The following MAPRE1 variants were observed in gnomAD, a reference collection of about 807,000 sequenced individuals.
MAPRE1 encodes microtubule-associated protein RP/EB family member 1.
MAPRE1 carries 5 observed loss-of-function variants against 32.1 expected under a neutral mutation model. The ratio of observed to expected loss-of-function variants is 0.16; its 90% CI spans 0.08 to 0.33. MAPRE1 has a LOEUF of 0.33. Ranked by LOEUF, MAPRE1 falls within the 10% of genes least tolerant of loss-of-function variation. The pLI, the probability that MAPRE1 is intolerant of heterozygous loss-of-function variation, is 1.00. For synonymous variants in MAPRE1, 122 were observed against 118.9 expected, an observed-to-expected ratio of 1.03 and a Z score of -0.17; for missense variants, 209 against 327.2, an observed-to-expected ratio of 0.64 and a Z score of 2.79.
At chr20:32,833,929 T>A in intron 3 of MAPRE1, 67 bp downstream of exon 3, 1 of 1,393,348 alleles carries the variant, frequency 7.2e-7, no homozygotes, top group South Asian at 1.5e-5. Flanking sequence ...AGGTAGATGC[T>A]AGCTTATGAC....
At chr20:32,836,289 C>G (rs1983199448) in intron 3 of MAPRE1, among the ~76,000 whole-genome samples, 1 of 152,228 alleles carries the variant, frequency 6.6e-6, no homozygotes, top group South Asian at 2.1e-4. Context: ...TGTGGCCATG[C>G]AAGTTATATA....
chr20:32,831,210 G>A (rs969907738), intron 2 of MAPRE1, among the ~76,000 whole-genome samples: 4 of 151,906 alleles, frequency 2.6e-5, no homozygotes, highest in Admixed American at 2.0e-4. Flanking sequence ...TTGGGAGGCC[G>A]AAGTGAGAGG....
At position 32,839,833 on chromosome 20, in the gene MAPRE1, G is replaced by A. The variant is rs746622138; in HGVS notation, c.574G>A (p.Glu192Lys). ...KNPGVGNGDD[E>K]AAELMQQVNV... ...CCCTGGTGTGGGCAACGGAGACGACGAGGCAGCTGAGTTGATGCAGCAGGT... is the reference window on the plus strand; with the variant it reads ...CCCTGGTGTGGGCAACGGAGACGACAAGGCAGCTGAGTTGATGCAGCAGGT... Residue 192 changes from glutamate (E) to lysine (K), a missense_variant, in exon 5 of 7, where the codon GAG (glutamate) becomes AAG (lysine). Glu to Lys is a moderately conservative substitution (Grantham distance 56). Around this residue, in one of 3 missense-constraint regions of MAPRE1, gnomAD observed 106 missense variants for 115.3 expected, o/e 0.92. Transcript: ENST00000375571. The A allele has an allele frequency of 2.0e-5, 33 of 1,614,040 alleles. No individual in the cohort carries two copies. The highest frequency in any genetic ancestry group is 1.7e-5 in the Admixed American group (1 of 60,006).
chr20:32,848,829 C>T lies in MAPRE1; in HGVS notation c.*101C>T. 5.0e-6 allele frequency: 5 copies of T among 1,006,760 alleles called. No homozygotes were observed. In the South Asian group the frequency reaches 5.4e-5, roughly 11 times the overall value. The allele number at this position is 1,006,760 out of a possible 1,614,324, so 62.4% of individuals were successfully genotyped here. Reference sequence around the variant, plus strand: ...TTATCCTTAGAGGACTCACTGGTTTCTTTTCATAAGCAAAAAGTACCTCTT... The same window carrying T: ...TTATCCTTAGAGGACTCACTGGTTTTTTTTCATAAGCAAAAAGTACCTCTT... On this transcript the variant is annotated 3_prime_UTR_variant, in exon 7 of 7. Coordinates refer to ENST00000375571, the MANE Select transcript of MAPRE1 (RefSeq NM_012325.3).
In MAPRE1 at chr20:32,848,941, C is replaced by T. The variant is rs242538; in HGVS notation, c.*213C>T. ...ACCTTGTAGCAGAGCAGTATTAACA[C>T]CTAGTTGGTTCACCTGGAAAACAGA... On this transcript the variant is annotated 3_prime_UTR_variant, in exon 7 of 7. Coordinates refer to ENST00000375571, the MANE Select transcript of MAPRE1 (RefSeq NM_012325.3). The T allele has an allele frequency of 0.65, 276,149 of 425,270 alleles. 93,402 individuals are homozygous for T. The highest frequency in any genetic ancestry group is 1 in the East Asian group (26,017 of 26,060). 26.3% of individuals were successfully genotyped at this position (425,270 alleles called of 1,614,324 possible). A position where few individuals can be genotyped will look rare whatever the true frequency, so the allele number is the denominator to read the frequency against.
At position 32,840,792 on chromosome 20, in the gene MAPRE1, A is replaced by C. The variant is rs534740762; in HGVS notation, c.597+936A>C. Among the ~76,000 whole-genome samples, 13 of 152,338 alleles carry C rather than the reference A, an allele frequency of 8.5e-5. 1 individual carries two copies. In the South Asian group the frequency reaches 2.5e-3, roughly 29 times the overall value. On this transcript the variant is annotated intron_variant, in intron 5 of 6. Coordinates refer to ENST00000375571, the MANE Select transcript of MAPRE1 (RefSeq NM_012325.3). ...AGATCAGGACAGTGAGAACCTGCCCAAAAATCACATTTCACTTTTTTATTT... is the reference window on the plus strand; with the variant it reads ...AGATCAGGACAGTGAGAACCTGCCCCAAAATCACATTTCACTTTTTTATTT...
intron 6 of MAPRE1, among the ~76,000 whole-genome samples, chr20:32,847,195 A>G (rs1983527694): frequency 6.6e-6 from 1 of 152,090 alleles, no homozygotes; most frequent in Admixed American, 6.6e-5. Context: ...ATATCACGTC[A>G]TGTCTGGGTA....
chr20:32,826,214 C>CTTTT (rs3092521), intron 2 of MAPRE1, among the ~76,000 whole-genome samples, 166 bp downstream of exon 2: 2 of 108,912 alleles, frequency 1.8e-5, no homozygotes, highest in Admixed American at 9.8e-5. Flanking sequence ...TCCAAAGGAA[C>CTTTT]TTTTTTTTTT....
Position 32,850,317 on chromosome 20 carries a change from T to C in MAPRE1, c.*1589T>C, listed in dbSNP as rs1464199359. 6.6e-6 allele frequency: 1 copy of C among 152,656 alleles called. No individual in the cohort carries two copies. Among genetic ancestry groups the C allele is most frequent in the African/African-American group, 2.4e-5 (1 of 41,452 alleles). The allele number at this position is 152,656 out of a possible 1,614,324, so 9.5% of individuals were successfully genotyped here. A position where few individuals can be genotyped will look rare whatever the true frequency, so the allele number is the denominator to read the frequency against. On this transcript the variant is annotated 3_prime_UTR_variant, in exon 7 of 7. Coordinates refer to ENST00000375571, the MANE Select transcript of MAPRE1 (RefSeq NM_012325.3). ...TTTGTTGCCCTAAAATTCCATTTTA[T>C]TGGGAACCCATTTTCCACCTGGTCT...
rs1186977609 is a variant in MAPRE1 at position 32,849,205 on chromosome 20, G to T, written c.*477G>T. 1 of 153,236 alleles carries T rather than the reference G, an allele frequency of 6.5e-6. No individual in the cohort carries two copies. Among genetic ancestry groups the T allele is most frequent in the African/African-American group, 2.4e-5 (1 of 41,430 alleles). The allele number at this position is 153,236 out of a possible 1,614,324, so 9.5% of individuals were successfully genotyped here. ...CAAGAGATTTTGCGTTTGACATTGT[G>T]TCTGGGAAGGAAGGGCCAGACCTTG... On this transcript the variant is annotated 3_prime_UTR_variant, in exon 7 of 7. Coordinates refer to ENST00000375571, the MANE Select transcript of MAPRE1 (RefSeq NM_012325.3).
At chr20:32,836,581 G>A in intron 3 of MAPRE1, 53 bp from the exon 4 acceptor site, 1 of 1,057,380 alleles carries the variant, frequency 9.5e-7, no homozygotes, top group Non-Finnish European at 1.4e-6. Flanking sequence ...GGACTAGTTT[G>A]ATGCTTGCCA....
intron 5 of MAPRE1, among the ~76,000 whole-genome samples, chr20:32,846,066 CT>C (rs1457432357): frequency 6.6e-6 from 1 of 152,180 alleles, no homozygotes; most frequent in Non-Finnish European, 1.5e-5. Flanking sequence ...AGTGTTATAA[CT>C]TTTATTGGTC....
intron 4 of MAPRE1, among the ~76,000 whole-genome samples, chr20:32,837,682 T>A (rs1983238850): frequency 6.6e-6 from 1 of 152,288 alleles, no homozygotes; most frequent in South Asian, 2.1e-4. Context: ...GCATGCCATA[T>A]AATTATATTT....
rs575447917 is a variant in MAPRE1 at position 32,822,772 on chromosome 20, G to C, written c.-4+2744G>C. On this transcript the variant is annotated intron_variant, in intron 1 of 6. Transcript: ENST00000375571. ...TCCTCCTGGCTTGAAATCCTCAGCTGTTTGCATCGAGTGGATTGCTTCCTG... is the reference window on the plus strand; with the variant it reads ...TCCTCCTGGCTTGAAATCCTCAGCTCTTTGCATCGAGTGGATTGCTTCCTG... 3.9e-5 allele frequency among the ~76,000 whole-genome samples: 6 copies of C among 152,228 alleles called. No individual in the cohort carries two copies. In the East Asian group the frequency reaches 1.2e-3, roughly 29 times the overall value.
At chr20:32,845,770 A>T (rs542572274) in intron 5 of MAPRE1, among the ~76,000 whole-genome samples, 27 of 152,216 alleles carry the variant, frequency 1.8e-4, no homozygotes, top group African/African-American at 5.1e-4. Flanking sequence ...GCGCCACTCC[A>T]CCTGACATGC....
chr20:32,824,097 TG>T (rs1381199427), intron 1 of MAPRE1, among the ~76,000 whole-genome samples: 3 of 152,078 alleles, frequency 2.0e-5, no homozygotes, highest in Non-Finnish European at 2.9e-5. Context: ...GTTGCATAAG[TG>T]GTTGGTATGA....
rs267605881 is a variant in MAPRE1 at position 32,836,711 on chromosome 20, C to T, written c.345C>T (p.Phe115=). The change falls in exon 4 of 7, where the codon TTC becomes TTT. Residue 115 remains phenylalanine, a synonymous_variant. Transcript: ENST00000375571. ...TCGTTCAGTGGTTCAAGAAGTTTTTCGATGCAAACTATGATGGAAAAGACT... is the reference window on the plus strand; with the variant it reads ...TCGTTCAGTGGTTCAAGAAGTTTTTTGATGCAAACTATGATGGAAAAGACT... ...FEFVQWFKKF[F]DANYDGKDYD... 1.7e-5 allele frequency: 28 copies of T among 1,613,490 alleles called. No individual in the cohort carries two copies. Among genetic ancestry groups the T allele is most frequent in the East Asian group, 8.9e-5 (4 of 44,880 alleles).
chr20:32,848,135 C>T (rs894231288), intron 6 of MAPRE1, among the ~76,000 whole-genome samples: 2 of 151,716 alleles, frequency 1.3e-5, no homozygotes, highest in African/African-American at 4.8e-5. Flanking sequence ...CAGCTTTGAC[C>T]TCCTGGGTCA....
At chr20:32,845,971 G>A (rs186005464) in intron 5 of MAPRE1, among the ~76,000 whole-genome samples, 3 of 152,310 alleles carry the variant, frequency 2.0e-5, no homozygotes, top group Admixed American at 2.0e-4. Context: ...TTCATTGACA[G>A]TTAAATGGAA....
Sources: allele counts gnomAD v4.1 joint callset (sites outside exome capture counted in the v4.1 genomes callset), GRCh38; gene constraint gnomAD v4.1.1; regional missense constraint gnomAD v4.1.1; transcripts MANE v1.5; gene names NCBI Gene and HGNC (gene_info 2026-07-23, HGNC 2026-07-21).